Variants in PCSK2 observed in about 807,000 individuals in gnomAD.
PCSK2 encodes neuroendocrine convertase 2.
A neutral mutation model predicts 69.7 loss-of-function variants in PCSK2; 14 were observed. The observed-to-expected ratio is 0.20, with a 90% CI of 0.13 to 0.31. The LOEUF is 0.31. PCSK2 is among the 10% of genes least tolerant of loss of function. PCSK2 has a pLI of 1.00. For missense variants in PCSK2, 544 were observed against 842.5 expected, an observed-to-expected ratio of 0.65 and a Z score of 4.39; for synonymous variants, 307 against 320.7, an observed-to-expected ratio of 0.96 and a Z score of 0.46.
intron 2 of PCSK2, among the ~76,000 whole-genome samples, chr20:17,320,724 C>G (rs572444317): frequency 1.3e-5 from 2 of 152,280 alleles, no homozygotes; most frequent in South Asian, 4.1e-4. Flanking sequence ...AGTTCTCCAG[C>G]ACATCACTCT....
intron 5 of PCSK2, among the ~76,000 whole-genome samples, chr20:17,408,089 A>G (rs2031792538): frequency 6.6e-6 from 1 of 152,222 alleles, no homozygotes; most frequent in Non-Finnish European, 1.5e-5. Flanking sequence ...GATAAAGCAC[A>G]GTTCCTAAAT....
At chr20:17,420,395 C>T (rs549573428) in intron 6 of PCSK2, among the ~76,000 whole-genome samples, 23 of 152,308 alleles carry the variant, frequency 1.5e-4, no homozygotes, top group South Asian at 2.1e-4. Context: ...TTTAAGACTA[C>T]CTCATCAGTC....
intron 2 of PCSK2, among the ~76,000 whole-genome samples, chr20:17,306,112 A>G (rs1244148392): frequency 6.6e-6 from 1 of 152,234 alleles, no homozygotes; most frequent in East Asian, 1.9e-4. Flanking sequence ...TTATATGGAC[A>G]TAAAGATGGA....
At chr20:17,325,710 G>A (rs1405901820) in intron 2 of PCSK2, among the ~76,000 whole-genome samples, 2 of 152,230 alleles carry the variant, frequency 1.3e-5, no homozygotes, top group African/African-American at 2.4e-5. Context: ...AATGCTCCAC[G>A]TGCCTCTCAT....
At chr20:17,368,913 T>G (rs1185814877) in intron 4 of PCSK2, among the ~76,000 whole-genome samples, 1 of 152,244 alleles carries the variant, frequency 6.6e-6, no homozygotes, top group Non-Finnish European at 1.5e-5. Context: ...CAGGGCCGGT[T>G]TCATTTCAGA....
intron 8 of PCSK2, among the ~76,000 whole-genome samples, chr20:17,449,894 C>T (rs1245365800): frequency 1.3e-5 from 2 of 151,260 alleles, no homozygotes; most frequent in Non-Finnish European, 2.9e-5. Context: ...AGAATATGGC[C>T]AATATCTTTC....
chr20:17,267,708 T>C (rs1016831881), intron 2 of PCSK2, among the ~76,000 whole-genome samples: 3 of 152,184 alleles, frequency 2.0e-5, no homozygotes, highest in Admixed American at 6.5e-5. Context: ...GTTCGTGCTG[T>C]CATGCTTCCT....
chr20:17,438,144 T>C (rs1222259132), intron 8 of PCSK2, among the ~76,000 whole-genome samples: 3 of 152,210 alleles, frequency 2.0e-5, no homozygotes, highest in African/African-American at 7.2e-5. Flanking sequence ...TGGAACTCCA[T>C]TTTGGGAATG....
At chr20:17,347,820 GA>G (rs1346030637) in intron 2 of PCSK2, among the ~76,000 whole-genome samples, 1 of 127,360 alleles carries the variant, frequency 7.9e-6, no homozygotes, top group African/African-American at 3.0e-5. Context: ...AAGAAAGAAA[GA>G]AAGAAAGAAA....
chr20:17,467,455 G>C (rs1278354848), intron 11 of PCSK2, among the ~76,000 whole-genome samples: 5 of 152,184 alleles, frequency 3.3e-5, no homozygotes, highest in Admixed American at 3.3e-4. Flanking sequence ...AATAATTTCA[G>C]AGCAGCAGTG....
chr20:17,331,537 T>C (rs1990206436), intron 2 of PCSK2, among the ~76,000 whole-genome samples: 1 of 152,148 alleles, frequency 6.6e-6, no homozygotes, highest in Non-Finnish European at 1.5e-5. Context: ...TTATGACAAG[T>C]TTGAAAACCC....
chr20:17,377,134 T>C (rs2030950272), intron 5 of PCSK2, among the ~76,000 whole-genome samples: 1 of 152,228 alleles, frequency 6.6e-6, no homozygotes, highest in Admixed American at 6.5e-5. Flanking sequence ...AACTACAAGC[T>C]ATTTCTTTTC....
intron 2 of PCSK2, among the ~76,000 whole-genome samples, chr20:17,319,409 G>A (rs1004478591): frequency 7.2e-5 from 11 of 152,134 alleles, no homozygotes; most frequent in Admixed American, 2.6e-4. Context: ...GGTCTTGAAC[G>A]GCCTCACTCA....
chr20:17,339,532 G>C (rs1022365911), intron 2 of PCSK2, among the ~76,000 whole-genome samples: 6 of 151,990 alleles, frequency 3.9e-5, no homozygotes, highest in South Asian at 2.1e-4. Flanking sequence ...CTGCTTGAAG[G>C]CTTCTGGAAT....
intron 2 of PCSK2, among the ~76,000 whole-genome samples, chr20:17,269,136 T>C (rs1464553947): frequency 2.6e-5 from 4 of 152,070 alleles, no homozygotes; most frequent in Non-Finnish European, 5.9e-5. Context: ...AGTAACCAAG[T>C]GGAGATGATG....
chr20:17,233,253 A>T (rs907205685), intron 1 of PCSK2, among the ~76,000 whole-genome samples: 4 of 152,198 alleles, frequency 2.6e-5, no homozygotes, highest in African/African-American at 9.7e-5. Context: ...GGTTAATAAA[A>T]TATGGTGGCT....
At chr20:17,297,075 T>C (rs1988918693) in intron 2 of PCSK2, among the ~76,000 whole-genome samples, 4 of 152,188 alleles carry the variant, frequency 2.6e-5, no homozygotes, top group Admixed American at 2.6e-4. Context: ...CCTTCATTAA[T>C]TAAAAGAGCT....
intron 5 of PCSK2, among the ~76,000 whole-genome samples, chr20:17,407,515 T>A (rs1205147148): frequency 6.6e-6 from 1 of 152,116 alleles, no homozygotes; most frequent in Non-Finnish European, 1.5e-5. Context: ...TCTGAAAAAT[T>A]CAGAGGTTAG....
intron 5 of PCSK2, among the ~76,000 whole-genome samples, chr20:17,394,013 G>A (rs562726472): frequency 1.9e-4 from 29 of 152,200 alleles, no homozygotes; most frequent in African/African-American, 5.5e-4. Flanking sequence ...TAATAATTTC[G>A]TTAGCTGGGC....
Sources: allele counts gnomAD v4.1 joint callset (sites outside exome capture counted in the v4.1 genomes callset), GRCh38; gene constraint gnomAD v4.1.1; transcripts MANE v1.5; gene names NCBI Gene and HGNC (gene_info 2026-07-23, HGNC 2026-07-21).